Variants in ADAM18 observed in about 807,000 individuals in gnomAD.
ADAM18 encodes the protein ADAM metallopeptidase domain 18, also known as disintegrin and metalloproteinase domain-containing protein 18.
In ADAM18, 117 loss-of-function variants were observed where a neutral mutation model predicts 94.4. The ratio of observed to expected loss-of-function variants is 1.24; its 90% CI spans 1.07 to 1.45. The LOEUF is 1.45. Among genes scored for constraint, ADAM18 ranks in the 40% most tolerant of loss-of-function variants. ADAM18 has a pLI of 0.00. For missense variants in ADAM18, 936 were observed against 880.0 expected (o/e 1.06, Z -0.81); for synonymous variants, 327 against 291.6 (o/e 1.12, Z -1.24).
At chr8:39,609,361 A>G (rs1012115071) in intron 4 of ADAM18, 124 bp from the exon 5 acceptor site, 1 of 703,482 alleles carries the variant, frequency 1.4e-6, no homozygotes, top group Non-Finnish European at 2.3e-6. Context: ...TTCTGAAAAT[A>G]TGCATTAATA....
chr8:39,712,307 C>G (rs530500124), intron 18 of ADAM18, among the ~76,000 whole-genome samples: 1 of 152,198 alleles, frequency 6.6e-6, no homozygotes, highest in Admixed American at 6.5e-5. Context: ...ACAATAAGAG[C>G]TATTTATGAC....
At chr8:39,710,693 G>A (rs550848560) in intron 18 of ADAM18, among the ~76,000 whole-genome samples, 1 of 152,134 alleles carries the variant, frequency 6.6e-6, no homozygotes, top group East Asian at 1.9e-4. Flanking sequence ...GGAGGAAAAA[G>A]GGAATTACTA....
At chr8:39,689,983 G>T (rs1225138422) in intron 16 of ADAM18, among the ~76,000 whole-genome samples, 1 of 152,172 alleles carries the variant, frequency 6.6e-6, no homozygotes, top group Non-Finnish European at 1.5e-5. Flanking sequence ...GTACATTCCT[G>T]ATTTGACTCT....
intron 1 of ADAM18, 43 bp downstream of exon 1, chr8:39,584,720 C>A: frequency 6.3e-7 from 1 of 1,597,444 alleles, no homozygotes; most frequent in Non-Finnish European, 8.5e-7. Flanking sequence ...GACTTTATAG[C>A]TGGGCTGGGC....
chr8:39,684,448 T>G (rs1291412992), intron 16 of ADAM18, among the ~76,000 whole-genome samples: 1 of 152,208 alleles, frequency 6.6e-6, no homozygotes, highest in Non-Finnish European at 1.5e-5. Context: ...CAAAATGTTT[T>G]AACTGGGGCA....
At chr8:39,654,334 T>A (rs1820626361) in intron 12 of ADAM18, among the ~76,000 whole-genome samples, 3 of 151,484 alleles carry the variant, frequency 2.0e-5, no homozygotes, top group South Asian at 4.1e-4. Flanking sequence ...CCTCCCAAAG[T>A]GCTGGGATTA....
At chr8:39,661,252 A>T (rs1477416055) in intron 12 of ADAM18, among the ~76,000 whole-genome samples, 2 of 140,712 alleles carry the variant, frequency 1.4e-5, no homozygotes, top group African/African-American at 2.7e-5. Flanking sequence ...TCCTGGGTTC[A>T]CGCCATTCTC....
intron 12 of ADAM18, among the ~76,000 whole-genome samples, chr8:39,661,943 T>TTA (rs1339421320): frequency 2.0e-5 from 3 of 149,232 alleles, no homozygotes; most frequent in Admixed American, 1.3e-4. Context: ...TATATATATT[T>TTA]TATATATATA....
chr8:39,609,384 A>T, intron 4 of ADAM18, 101 bp from the exon 5 acceptor site: 1 of 782,702 alleles, frequency 1.3e-6, no homozygotes, highest in Non-Finnish European at 2.0e-6. Context: ...TAATGATCTT[A>T]TTATTAAATC....
intron 17 of ADAM18, among the ~76,000 whole-genome samples, chr8:39,696,852 C>A (rs1261074747): frequency 1.3e-5 from 2 of 151,456 alleles, no homozygotes. Context: ...ACCTGAAGTG[C>A]CTTGGGATTC....
At chr8:39,719,442 C>T (rs980968766) in intron 18 of ADAM18, among the ~76,000 whole-genome samples, 1 of 151,114 alleles carries the variant, frequency 6.6e-6, no homozygotes, top group Non-Finnish European at 1.5e-5. Context: ...AAAAATATGA[C>T]CCCAAAATGT....
chr8:39,656,970 T>C (rs1217969551), intron 12 of ADAM18, among the ~76,000 whole-genome samples: 1 of 152,230 alleles, frequency 6.6e-6, no homozygotes, highest in African/African-American at 2.4e-5. Flanking sequence ...AAGTGCTATT[T>C]TATTGTAAAG....
rs541604531 is a variant in ADAM18, at chr8:39,697,732, T to C, written c.1902+5052T>C. Among the ~76,000 whole-genome samples the C allele has an allele frequency of 5.3e-5, 8 of 151,894 alleles. No individual in the cohort carries two copies. The South Asian group carries it at 1.0e-3, about 20-fold the overall frequency. ...AACATTTTTTCTGATAAGTGTTTTT[T>C]TGAATGTTTTATCTTTAGGTCAGAA... On this transcript the variant is annotated intron_variant, in intron 17 of 19. Coordinates refer to ENST00000265707, the MANE Select transcript of ADAM18 (RefSeq NM_014237.3).
intron 12 of ADAM18, among the ~76,000 whole-genome samples, chr8:39,661,158 T>TC: frequency 6.8e-6 from 1 of 146,914 alleles, no homozygotes; most frequent in East Asian, 2.0e-4. Context: ...CTTCTTCTTT[T>TC]TTTTTTTTTT....
At chr8:39,667,686 A>G (rs758315642) in intron 13 of ADAM18, among the ~76,000 whole-genome samples, 10 of 152,190 alleles carry the variant, frequency 6.6e-5, no homozygotes, top group South Asian at 2.1e-4. Flanking sequence ...CAGTGTTCCT[A>G]TAGTTCCAAG....
In ADAM18 at chr8:39,717,613, A is replaced by C. The variant is rs994412303; in HGVS notation, c.2018-6135A>C. 3.3e-5 allele frequency among the ~76,000 whole-genome samples: 5 copies of C among 151,794 alleles called. 1 individual carries two copies. The highest frequency in any genetic ancestry group is 4.8e-5 in the African/African-American group (2 of 41,514). On this transcript the variant is annotated intron_variant, in intron 18 of 19. Coordinates refer to ENST00000265707, the MANE Select transcript of ADAM18 (RefSeq NM_014237.3). ...TTACACCATACATACAGATGGACTC[A>C]AAATGAATTAAAGAAAAATGTGACC...
intron 12 of ADAM18, among the ~76,000 whole-genome samples, chr8:39,652,767 A>G (rs979815252): frequency 5.9e-5 from 9 of 152,230 alleles, no homozygotes; most frequent in African/African-American, 2.2e-4. Context: ...TACAATAGCC[A>G]AGGAATCAAC....
At chr8:39,654,741 C>G (rs1820640440) in intron 12 of ADAM18, among the ~76,000 whole-genome samples, 1 of 152,146 alleles carries the variant, frequency 6.6e-6, no homozygotes, top group Admixed American at 6.5e-5. Context: ...GCCATTCTAA[C>G]TAGGATGAGA....
chr8:39,705,022 T>C (rs1328355368), intron 17 of ADAM18, among the ~76,000 whole-genome samples: 1 of 152,120 alleles, frequency 6.6e-6, no homozygotes, highest in Non-Finnish European at 1.5e-5. Flanking sequence ...AATGCAAAAA[T>C]GATGGTCTTC....
Sources: allele counts gnomAD v4.1 joint callset (sites outside exome capture counted in the v4.1 genomes callset), GRCh38; gene constraint gnomAD v4.1.1; transcripts MANE v1.5; gene names NCBI Gene and HGNC (gene_info 2026-07-23, HGNC 2026-07-21).